Variants in PCSK1 observed in about 807,000 individuals in gnomAD.
The protein encoded by PCSK1 is proprotein convertase subtilisin/kexin type 1.
Under a neutral mutation model 90.6 loss-of-function variants are expected in PCSK1, and 56 were observed. That is an observed-to-expected ratio of 0.62 (90% confidence interval 0.50 to 0.77). PCSK1 has a LOEUF of 0.77. PCSK1 is among the 30% of genes least tolerant of loss of function. The pLI, the probability that PCSK1 is intolerant of heterozygous loss-of-function variation, is 0.00. For missense variants in PCSK1, 801 were observed against 932.6 expected (o/e 0.86, Z 1.84); for synonymous variants, 348 against 342.4 (o/e 1.02, Z -0.18).
In PCSK1 at chr5:96,423,476, A is replaced by G; in HGVS notation, c.397-17T>C. On this transcript the variant is annotated splice_polypyrimidine_tract_variant and intron_variant, in intron 3 of 13. Transcript: ENST00000311106. ...GGTATCTTGCTGGTAAAGAAAAACAACGAAGCATTGATAAAATTATCATTT... is the reference window on the plus strand; with the variant it reads ...GGTATCTTGCTGGTAAAGAAAAACAGCGAAGCATTGATAAAATTATCATTT... 6.2e-7 allele frequency: 1 copy of G among 1,613,280 alleles called. No individual in the cohort carries two copies.
intron 9 of PCSK1, among the ~76,000 whole-genome samples, chr5:96,402,378 T>C (rs1046404502): frequency 1.3e-5 from 2 of 152,158 alleles, no homozygotes; most frequent in Non-Finnish European, 2.9e-5. Flanking sequence ...TCATGTTCTT[T>C]CCATATTGAC....
Position 96,432,267 on chromosome 5 carries a change from C to T in PCSK1, c.180+596G>A, listed in dbSNP as rs905862046. On this transcript the variant is annotated intron_variant, in intron 1 of 13. Coordinates refer to ENST00000311106, the MANE Select transcript of PCSK1 (RefSeq NM_000439.5). ...CGTGTCTTTCACCCACCATTTCTCC[C>T]CCCAGCTTCCCAGGCTACTCCGCGG... 235 of 738,802 alleles carry T rather than the reference C, an allele frequency of 3.2e-4. 2 individuals are homozygous for T. Among genetic ancestry groups the T allele is most frequent in the Non-Finnish European group, 2.0e-5 (9 of 454,144 alleles). The allele number at this position is 738,802 out of a possible 1,614,324, so 45.8% of individuals were successfully genotyped here.
Position 96,421,939 on chromosome 5 carries a change from A to G in PCSK1, c.561T>C (p.Tyr187=), listed in dbSNP as rs751527594. The change falls in exon 5 of 14, where the codon TAT becomes TAC. Residue 187 remains tyrosine, a synonymous_variant. Coordinates refer to ENST00000311106, the MANE Select transcript of PCSK1 (RefSeq NM_000439.5). ...IYANYDPEAS[Y]DFNDNDHDPF... ...GATCATGGTCATTATCATTAAAATC[A>G]TAGCTAGCCTCTGGATCCTAAAGAG... 2 of 1,567,332 alleles carry G rather than the reference A, an allele frequency of 1.3e-6. No individual in the cohort carries two copies. The highest frequency in any genetic ancestry group is 1.4e-5 in the African/African-American group (1 of 72,906).
At chr5:96,406,767 A>C (rs1760583911) in intron 9 of PCSK1, among the ~76,000 whole-genome samples, 1 of 152,242 alleles carries the variant, frequency 6.6e-6, no homozygotes, top group South Asian at 2.1e-4. Flanking sequence ...GAGAATATGT[A>C]ATTTATTCTA....
At position 96,433,062 on chromosome 5, in the gene PCSK1, A is replaced by G. The variant is rs374106154; in HGVS notation, c.-20T>C. On this transcript the variant is annotated 5_prime_UTR_variant, in exon 1 of 14. Transcript: ENST00000311106. ...CTCCATAGCTCACACACTCGCTTGA[A>G]CAAGAGTGGGAAGGGAAGAGGAAAA... The G allele has an allele frequency of 1.9e-6, 3 of 1,611,854 alleles. No individual in the cohort carries two copies. Among genetic ancestry groups the G allele is most frequent in the African/African-American group, 2.7e-5 (2 of 74,898 alleles).
chr5:96,432,105 A>T (rs1165840094), intron 1 of PCSK1: 16 of 1,535,426 alleles, frequency 1.0e-5, no homozygotes, highest in Non-Finnish European at 1.4e-5. Flanking sequence ...CAAGAAAGAA[A>T]TAGATCCCTT....
In PCSK1 at chr5:96,391,184, C is replaced by G. The variant is rs1759926148; in HGVS notation, c.*1817G>C. 1 of 152,194 alleles carries G rather than the reference C, an allele frequency of 6.6e-6. No homozygotes were observed. The highest frequency in any genetic ancestry group is 2.4e-5 in the African/African-American group (1 of 41,450). 9.4% of individuals were successfully genotyped at this position (152,194 alleles called of 1,614,324 possible). On this transcript the variant is annotated 3_prime_UTR_variant, in exon 14 of 14. Transcript: ENST00000311106. Reference sequence around the variant, plus strand: ...CGCAAGTCTTTTAGGAGAACATTCTCTAAGCATTACGGGCATTGCTCTGCA... The same window carrying G: ...CGCAAGTCTTTTAGGAGAACATTCTGTAAGCATTACGGGCATTGCTCTGCA...
intron 1 of PCSK1, chr5:96,432,269 C>G: frequency 1.4e-6 from 1 of 725,440 alleles, no homozygotes; most frequent in East Asian, 2.7e-5. Context: ...ATTTCTCCCC[C>G]CAGCTTCCCA....
At position 96,412,449 on chromosome 5, in the gene PCSK1, C is replaced by T; in HGVS notation, c.751G>A (p.Ala251Thr). ...CCAGGATTGAATCCAATTGAACTGG[C>T]CTCAATAGCATCCGTCACAATGCCA... is the stretch of plus-strand genomic sequence containing the variant. The part of the protein sequence containing the change: ...LDGIVTDAIE[A>T]SSIGFNPGHV... The change falls in exon 7 of 14, where the codon GCC becomes ACC. Residue 251 changes from alanine to threonine, a missense_variant. Physicochemically the swap from Ala to Thr is moderately conservative, Grantham distance 58. Coordinates refer to ENST00000311106, the MANE Select transcript of PCSK1 (RefSeq NM_000439.5). 6.2e-7 allele frequency: 1 copy of T among 1,613,826 alleles called. No individual in the cohort carries two copies. The highest frequency in any genetic ancestry group is 8.5e-7 in the Non-Finnish European group (1 of 1,179,726).
chr5:96,406,094 T>A (rs968869435), intron 9 of PCSK1, among the ~76,000 whole-genome samples: 2 of 152,122 alleles, frequency 1.3e-5, no homozygotes, highest in Admixed American at 1.3e-4. Context: ...TTGGATTACC[T>A]ATGCAGGCTG....
chr5:96,431,997 C>T, intron 1 of PCSK1: 2 of 928,556 alleles, frequency 2.2e-6, no homozygotes, highest in Non-Finnish European at 3.4e-6. Context: ...TTGACGCCCA[C>T]CCACCTCCAA....
At position 96,421,750 on chromosome 5, in the gene PCSK1, T is replaced by C. The variant is rs376210826; in HGVS notation, c.620+130A>G. 3.9e-4 allele frequency: 278 copies of C among 711,162 alleles called. 1 individual carries two copies. In the East Asian group the frequency reaches 5.6e-3, roughly 14 times the overall value. The allele number at this position is 711,162 out of a possible 1,614,324, so 44.1% of individuals were successfully genotyped here. The stretch of plus-strand genomic sequence containing the variant: ...TTCTGTTTTAAAAGCAACAAAATAT[T>C]GTGGTATGGATGTTGTGCATTAACA... On this transcript the variant is annotated intron_variant, in intron 5 of 13. Transcript: ENST00000311106.
chr5:96,416,308 A>G (rs1760937505), intron 5 of PCSK1, among the ~76,000 whole-genome samples, 187 bp from the exon 6 acceptor site: 1 of 152,242 alleles, frequency 6.6e-6, no homozygotes, highest in South Asian at 2.1e-4. Context: ...ATTAGAGACA[A>G]AGTATGTGAT....
chr5:96,409,970 G>A (rs1247125527), intron 8 of PCSK1, among the ~76,000 whole-genome samples: 1 of 152,100 alleles, frequency 6.6e-6, no homozygotes, highest in Non-Finnish European at 1.5e-5. Flanking sequence ...TTATTATAGG[G>A]TTCACCCACC....
rs535332744 is a variant in PCSK1, at chr5:96,411,598, C to T, written c.883-612G>A. ...CCAAGGCACAGGTATTCAACAGGCACGTGCAGAGCAGAAGGCAACACGTTT... is the reference window on the plus strand; with the variant it reads ...CCAAGGCACAGGTATTCAACAGGCATGTGCAGAGCAGAAGGCAACACGTTT... On this transcript the variant is annotated intron_variant, in intron 7 of 13. Coordinates refer to ENST00000311106, the MANE Select transcript of PCSK1 (RefSeq NM_000439.5). Among the ~76,000 whole-genome samples the T allele has an allele frequency of 2.0e-4, 31 of 152,224 alleles. No homozygotes were observed. The South Asian group carries it at 4.8e-3, about 23-fold the overall frequency.
chr5:96,392,806 G>A lies in PCSK1; in HGVS notation c.*195C>T. ...GAAAGATGTGTTTTGAAATACCTAT[G>A]ATCAATTCTGGAAGTTGAACTTCCT... On this transcript the variant is annotated 3_prime_UTR_variant, in exon 14 of 14. Transcript: ENST00000311106. 1.6e-6 allele frequency: 1 copy of A among 644,812 alleles called. No individual in the cohort carries two copies. The highest frequency in any genetic ancestry group is 1.8e-5 in the African/African-American group (1 of 54,886). The allele number at this position is 644,812 out of a possible 1,614,324, so 39.9% of individuals were successfully genotyped here.
Position 96,416,105 on chromosome 5 carries a change from C to T in PCSK1, c.637G>A (p.Ala213Thr). Residue 213 changes from alanine (A) to threonine (T), a missense_variant, in exon 6 of 14, where the codon GCA (alanine) becomes ACA (threonine). Coordinates refer to ENST00000311106, the MANE Select transcript of PCSK1 (RefSeq NM_000439.5). ...TNENKHGTRC[A>T]GEIAMQANNH... ...TTTGCTTGCATGGCAATTTCTCCTGCACATCTGGTCCCGTGTCTGAGGATT... is the reference window on the plus strand; with the variant it reads ...TTTGCTTGCATGGCAATTTCTCCTGTACATCTGGTCCCGTGTCTGAGGATT... 1 of 1,610,670 alleles carries T rather than the reference C, an allele frequency of 6.2e-7. No individual in the cohort carries two copies. Among genetic ancestry groups the T allele is most frequent in the Non-Finnish European group, 8.5e-7 (1 of 1,176,854 alleles).
Position 96,399,945 on chromosome 5 carries a change from A to T in PCSK1, c.1430+8T>A, listed in dbSNP as rs1012856454. On this transcript the variant is annotated splice_region_variant and intron_variant, in intron 10 of 13. Coordinates refer to ENST00000311106, the MANE Select transcript of PCSK1 (RefSeq NM_000439.5). ...ACACATGTGTTTAAAATTCCAGGAG[A>T]TACTTACCTGGGCTCAAAGTCATTG... 3 of 1,599,766 alleles carry T rather than the reference A, an allele frequency of 1.9e-6. No individual in the cohort carries two copies. The African/African-American group carries it at 4.0e-5, about 21-fold the overall frequency.
In PCSK1 at chr5:96,433,108, G is replaced by A; in HGVS notation, c.-66C>T. 1 of 1,477,308 alleles carries A rather than the reference G, an allele frequency of 6.8e-7. No individual in the cohort carries two copies. The allele number at this position is 1,477,308 out of a possible 1,614,324, so 91.5% of individuals were successfully genotyped here. ...GAAAAAGAAGCAAGATAGGAGAAAA[G>A]CCAGACAGACTCCCCCTTCCCACCC... On this transcript the variant is annotated 5_prime_UTR_variant, in exon 1 of 14. Coordinates refer to ENST00000311106, the MANE Select transcript of PCSK1 (RefSeq NM_000439.5).
Sources: allele counts gnomAD v4.1 joint callset (sites outside exome capture counted in the v4.1 genomes callset), GRCh38; gene constraint gnomAD v4.1.1; transcripts MANE v1.5; gene names NCBI Gene and HGNC (gene_info 2026-07-23, HGNC 2026-07-21).